TMEM184A: variants seen among roughly 807,000 people sequenced by gnomAD.
TMEM184A encodes the protein sexually dimorphic, expressed in male gonads 1.
TMEM184A carries 40 observed loss-of-function variants against 39.5 expected under a neutral mutation model. The observed-to-expected ratio is 1.01, with a 90% CI of 0.79 to 1.32. TMEM184A has a LOEUF of 1.32. Among genes scored for constraint, TMEM184A ranks in the 40% most tolerant of loss-of-function variants. The pLI, the probability that TMEM184A is intolerant of heterozygous loss-of-function variation, is 0.00. For missense variants in TMEM184A, 603 were observed against 568.8 expected, an observed-to-expected ratio of 1.06 and a Z score of -0.61; for synonymous variants, 280 against 252.3, an observed-to-expected ratio of 1.11 and a Z score of -1.04.
In TMEM184A at chr7:1,544,866, C is replaced by T. The variant is rs975985210; in HGVS notation, c.*2086G>A. ...AGCGTTGAGCATGTCAGTTTCCTGGCACAGTCCTCGGCTGGTCTGAGGGGG... is the reference window on the plus strand; with the variant it reads ...AGCGTTGAGCATGTCAGTTTCCTGGTACAGTCCTCGGCTGGTCTGAGGGGG... On this transcript the variant is annotated 3_prime_UTR_variant, in exon 9 of 9. Coordinates refer to ENST00000297477, the MANE Select transcript of TMEM184A (RefSeq NM_001097620.2). The T allele has an allele frequency of 5.9e-5, 9 of 152,318 alleles. No homozygotes were observed. The highest frequency in any genetic ancestry group is 2.2e-4 in the African/African-American group (9 of 41,472). The allele number at this position is 152,318 out of a possible 1,614,324, so 9.4% of individuals were successfully genotyped here.
chr7:1,551,107 A>C, intron 2 of TMEM184A, 125 bp from the exon 3 acceptor site: 8 of 990,978 alleles, frequency 8.1e-6, no homozygotes, highest in Non-Finnish European at 1.1e-5. Flanking sequence ...TCCACCCGGT[A>C]CCCCTGCACA....
At chr7:1,549,739 C>G (rs1343391938) in intron 6 of TMEM184A, 115 bp downstream of exon 6, 1 of 959,916 alleles carries the variant, frequency 1.0e-6, no homozygotes, top group Non-Finnish European at 1.6e-6. Context: ...CCCCGCAGCT[C>G]CCACCTTACT....
At position 1,555,296 on chromosome 7, in the gene TMEM184A, C is replaced by T; in HGVS notation, c.189G>A (p.Val63=). The T allele has an allele frequency of 6.2e-7, 1 of 1,607,626 alleles. No homozygotes were observed. The highest frequency in any genetic ancestry group is 8.5e-7 in the Non-Finnish European group (1 of 1,177,324). The change falls in exon 2 of 9, where the codon GTG becomes GTA. Residue 63 remains valine (V), a synonymous_variant. Transcript: ENST00000297477. The surrounding 1 kb of genome is among the most constrained non-coding windows in gnomAD (Gnocchi z 5.2). ...ALARGVSGIF[V]WTALVLTCHQ... is the part of the protein sequence containing the mutation. ...GGCAGGTGAGCACCAGGGCAGTCCA[C>T]ACGAAGATCCCCGAGACGCCTCGGG...
rs1341711628 is a variant in TMEM184A at position 1,543,096 on chromosome 7, C to CCA, written c.*3854_*3855dup. 8.8e-6 allele frequency: 1 copy of CCA among 114,220 alleles called. No homozygotes were observed. The highest frequency in any genetic ancestry group is 8.8e-5 in the Admixed American group (1 of 11,332). The allele number at this position is 114,220 out of a possible 1,614,324, so 7.1% of individuals were successfully genotyped here. On this transcript the variant is annotated 3_prime_UTR_variant, in exon 9 of 9. Coordinates refer to ENST00000297477, the MANE Select transcript of TMEM184A (RefSeq NM_001097620.2). ...AGCTGGGGCTTTCTTGGGCCAAGAACCACACCCCCCCCCCAATCCCAGGGG... is the reference window on the plus strand; with the variant it reads ...AGCTGGGGCTTTCTTGGGCCAAGAACCACACACCCCCCCCCCAATCCCAGGGG...
rs905343252 is a variant in TMEM184A at position 1,542,860 on chromosome 7, ATTAT to A, written c.*4088_*4091del. 4.6e-5 allele frequency: 7 copies of A among 152,382 alleles called. No homozygotes were observed. The highest frequency in any genetic ancestry group is 2.1e-4 in the South Asian group (1 of 4,836). The allele number at this position is 152,382 out of a possible 1,614,324, so 9.4% of individuals were successfully genotyped here. A position where few individuals can be genotyped will look rare whatever the true frequency, so the allele number is the denominator to read the frequency against. On this transcript the variant is annotated 3_prime_UTR_variant, in exon 9 of 9. Coordinates refer to ENST00000297477, the MANE Select transcript of TMEM184A (RefSeq NM_001097620.2). ...CTGTGCTACTTGGCAGTTCCATTTCATTATTTATTTTTTGTGCTGCTTTTTATCA... is the reference window on the plus strand; with the variant it reads ...CTGTGCTACTTGGCAGTTCCATTTCATTATTTTTTGTGCTGCTTTTTATCA...
chr7:1,550,691 G>T, intron 3 of TMEM184A, 126 bp downstream of exon 3: 1 of 1,244,554 alleles, frequency 8.0e-7, no homozygotes, highest in Non-Finnish European at 1.1e-6. Context: ...GACTATCCTG[G>T]CAGCCCCTCT....
chr7:1,551,020 C>T, intron 2 of TMEM184A, 38 bp from the exon 3 acceptor site: 1 of 1,543,010 alleles, frequency 6.5e-7, no homozygotes, highest in Non-Finnish European at 8.8e-7. Context: ...CCGGGCCCGC[C>T]TGGTACCCCT....
At chr7:1,552,476 T>C (rs1784641372) in intron 2 of TMEM184A, among the ~76,000 whole-genome samples, 2 of 152,012 alleles carry the variant, frequency 1.3e-5, no homozygotes, top group South Asian at 4.2e-4. Context: ...GAATACATTG[T>C]TATTTATAAC....
In TMEM184A at chr7:1,550,875, G is replaced by T. The variant is rs375684215; in HGVS notation, c.327C>A (p.Leu109=). 2 of 1,613,770 alleles carry T rather than the reference G, an allele frequency of 1.2e-6. No individual in the cohort carries two copies. The highest frequency in any genetic ancestry group is 1.7e-6 in the Non-Finnish European group (2 of 1,179,978). The change falls in exon 3 of 9, where the codon CTC becomes CTA. Residue 109 remains leucine (L), a synonymous_variant. Transcript: ENST00000297477. ...IYAFDSWLSL[L]LLGDHQYYVY... ...CGTAGTACTGGTGGTCTCCGAGGAG[G>T]AGGAGGCTGAGCCAGGAGTCGAAGG...
Position 1,547,835 on chromosome 7 carries a change from A to C in TMEM184A, c.919T>G (p.Phe307Val). 1.9e-6 allele frequency: 3 copies of C among 1,611,848 alleles called. No individual in the cohort carries two copies. The highest frequency in any genetic ancestry group is 2.5e-6 in the Non-Finnish European group (3 of 1,179,496). Reference sequence around the variant, plus strand: ...AACAGCATCTCCACGCAGATGATGAAGTTCTGGTAGCCGGCGGCCAGCGTG... The same window carrying C: ...AACAGCATCTCCACGCAGATGATGACGTTCTGGTAGCCGGCGGCCAGCGTG... ...AGTLAAGYQN[F>V]IICVEMLFAS... is the part of the protein sequence containing the mutation. Residue 307 changes from phenylalanine to valine, a missense_variant, in exon 8 of 9, where the codon TTC becomes GTC. Transcript: ENST00000297477.
intron 7 of TMEM184A, among the ~76,000 whole-genome samples, chr7:1,548,213 A>T (rs1784425088): frequency 6.6e-6 from 1 of 152,168 alleles, no homozygotes. Context: ...CTCCTCTGCC[A>T]AAGTGGGCTG....
rs150440402 is a variant in TMEM184A at position 1,548,570 on chromosome 7, C to T, written c.763G>A (p.Val255Ile). 3.1e-4 allele frequency: 507 copies of T among 1,613,708 alleles called. 3 individuals carry two copies. The East Asian group carries it at 0.01, about 32-fold the overall frequency. ...GCTTTGATGGTGAGGAACTTGAGGA[C>T]GGGCTGGAAGGGCCGCAGGAGCTCC... ...TRELLRPFQP[V>I]LKFLTIKAVI... Residue 255 changes from valine to isoleucine, a missense_variant, in exon 7 of 9, where the codon GTC becomes ATC. Physicochemically the swap from Val to Ile is conservative, Grantham distance 29. Transcript: ENST00000297477.
At chr7:1,551,046 A>T in intron 2 of TMEM184A, 64 bp from the exon 3 acceptor site, 3 of 1,163,334 alleles carry the variant, frequency 2.6e-6, no homozygotes, top group Non-Finnish European at 3.6e-6. Context: ...AGCCCAGGTG[A>T]GCCGGGAAGG....
At position 1,547,028 on chromosome 7, in the gene TMEM184A, G is replaced by GA. The variant is rs1784377426; in HGVS notation, c.1165_1166insT (p.Pro389LeufsTer35). The GA allele has an allele frequency of 1.5e-6, 2 of 1,291,450 alleles. No individual in the cohort carries two copies. The highest frequency in any genetic ancestry group is 2.2e-6 in the Non-Finnish European group (2 of 923,104). 80.0% of individuals were successfully genotyped at this position (1,291,450 alleles called of 1,614,324 possible). On this transcript the variant is annotated frameshift_variant, in exon 9 of 9. Transcript: ENST00000297477. LOFTEE classifies it low-confidence loss of function (END_TRUNC). ...CCTGCTCCCGCCGGAGCCGCCGCTG[G>GA]GGTGGGTGCCGGGCCTGGGCGCCTC... is the stretch of plus-strand genomic sequence containing the variant.
Position 1,546,847 on chromosome 7 carries a change from A to T in TMEM184A, c.*105T>A. On this transcript the variant is annotated 3_prime_UTR_variant, in exon 9 of 9. Transcript: ENST00000297477. Reference sequence around the variant, plus strand: ...CCGAGGGCCTCACAGGTGGGCTCTCAGGAGAGGCCCCACCTTTGGCAGGAG... The same window carrying T: ...CCGAGGGCCTCACAGGTGGGCTCTCTGGAGAGGCCCCACCTTTGGCAGGAG... 1.3e-6 allele frequency: 1 copy of T among 768,032 alleles called. No individual in the cohort carries two copies. The highest frequency in any genetic ancestry group is 2.0e-6 in the Non-Finnish European group (1 of 497,336). The allele number at this position is 768,032 out of a possible 1,614,324, so 47.6% of individuals were successfully genotyped here.
chr7:1,550,528 A>G, intron 3 of TMEM184A, 133 bp from the exon 4 acceptor site: 1 of 783,318 alleles, frequency 1.3e-6, no homozygotes, highest in Non-Finnish European at 2.0e-6. Context: ...GAGGCTCCTG[A>G]TGGACCCCAT....
rs374888886 is a variant in TMEM184A, at chr7:1,547,899, C to T, written c.855G>A (p.Pro285=). 5.1e-5 allele frequency: 82 copies of T among 1,592,428 alleles called. No homozygotes were observed. Among genetic ancestry groups the T allele is most frequent in the East Asian group, 9.2e-5 (4 of 43,538 alleles). ...TGTTCCCGCCGCTGGTCTCCACCTC[C>T]GGGATGACCCCGCACCGCTCCAGGA... The part of the protein sequence containing the change: ...LAILERCGVI[P]EVETSGGNKL... Residue 285 remains proline (P), a synonymous_variant, in exon 8 of 9, where the codon CCG becomes CCA. Coordinates refer to ENST00000297477, the MANE Select transcript of TMEM184A (RefSeq NM_001097620.2).
At chr7:1,547,974 G>A (rs1217576588) in intron 7 of TMEM184A, 35 bp from the exon 8 acceptor site, 1 of 1,541,850 alleles carries the variant, frequency 6.5e-7, no homozygotes, top group Admixed American at 2.0e-5. Flanking sequence ...CCCAGCCCCA[G>A]ACGGGGTCTG....
In TMEM184A at chr7:1,555,216, T is replaced by G; in HGVS notation, c.219+50A>C. 2 of 1,484,752 alleles carry G rather than the reference T, an allele frequency of 1.3e-6. No homozygotes were observed. Among genetic ancestry groups the G allele is most frequent in the Non-Finnish European group, 1.8e-6 (2 of 1,095,992 alleles). 92.0% of individuals were successfully genotyped at this position (1,484,752 alleles called of 1,614,324 possible). A position where few individuals can be genotyped will look rare whatever the true frequency, so the allele number is the denominator to read the frequency against. ...GGGACCGGGCTGAGCCACGGCCACG[T>G]CCTGTGGAGACCAAGGTCCTGAAGG... On this transcript the variant is annotated intron_variant, in intron 2 of 8. Coordinates refer to ENST00000297477, the MANE Select transcript of TMEM184A (RefSeq NM_001097620.2). The surrounding 1 kb of genome is among the most constrained non-coding windows in gnomAD (Gnocchi z 5.2).
Sources: allele counts gnomAD v4.1 joint callset (sites outside exome capture counted in the v4.1 genomes callset), GRCh38; gene constraint gnomAD v4.1.1; non-coding constraint Gnocchi (gnomAD v3.1); transcripts MANE v1.5; gene names NCBI Gene and HGNC (gene_info 2026-07-23, HGNC 2026-07-21).